Variants in GIGYF2 observed in about 807,000 individuals in gnomAD.
The protein encoded by GIGYF2 is GRB10-interacting GYF protein 2.
Under a neutral mutation model 208.1 loss-of-function variants are expected in GIGYF2, and 25 were observed. The ratio of observed to expected loss-of-function variants is 0.12; its 90% CI spans 0.09 to 0.17. The LOEUF is 0.17. Among genes scored for constraint, GIGYF2 ranks in the 10% least tolerant of loss-of-function variants. The pLI is 1.00. For missense variants in GIGYF2, 1,302 were observed against 1,579.4 expected, an observed-to-expected ratio of 0.82 and a Z score of 2.98; for synonymous variants, 534 against 543.8, an observed-to-expected ratio of 0.98 and a Z score of 0.25.
At chr2:232,855,025 C>T (rs1690497953) in intron 28 of GIGYF2, among the ~76,000 whole-genome samples, 4 of 150,202 alleles carry the variant, frequency 2.7e-5, no homozygotes, top group Admixed American at 1.3e-4. Flanking sequence ...GGAAAAATTA[C>T]ATACATGTGA....
At position 232,857,067 on chromosome 2, in the gene GIGYF2, G is replaced by A. The variant is rs942551197; in HGVS notation, c.*207G>A. The A allele has an allele frequency of 1.6e-6, 1 of 606,628 alleles. No homozygotes were observed. Among genetic ancestry groups the A allele is most frequent in the Non-Finnish European group, 3.0e-6 (1 of 337,050 alleles). 37.6% of individuals were successfully genotyped at this position (606,628 alleles called of 1,614,324 possible). On this transcript the variant is annotated 3_prime_UTR_variant, in exon 29 of 29. Transcript: ENST00000373563. ...GAACATCTCAGACTATAGATAAGTGGACTGGACCCTGTGTCTTGGGGGTGG... is the reference window on the plus strand; with the variant it reads ...GAACATCTCAGACTATAGATAAGTGAACTGGACCCTGTGTCTTGGGGGTGG...
chr2:232,736,710 A>G (rs966020537), intron 3 of GIGYF2: 4 of 152,212 alleles, frequency 2.6e-5, no homozygotes, highest in South Asian at 2.1e-4. Context: ...ATTTAAATTC[A>G]TATAAGTTAC....
intron 23 of GIGYF2, among the ~76,000 whole-genome samples, chr2:232,843,720 A>G (rs1169592262): frequency 1.3e-5 from 2 of 151,894 alleles, no homozygotes; most frequent in Non-Finnish European, 2.9e-5. Flanking sequence ...CTAAAAATAC[A>G]AAAAATTAAC....
At chr2:232,822,921 G>T (rs1267812128) in intron 21 of GIGYF2, among the ~76,000 whole-genome samples, 1 of 151,940 alleles carries the variant, frequency 6.6e-6, no homozygotes, top group African/African-American at 2.4e-5. Flanking sequence ...ATGTATAATA[G>T]CCTTATTTCC....
chr2:232,745,882 A>T (rs1698132190), intron 3 of GIGYF2, among the ~76,000 whole-genome samples: 2 of 152,216 alleles, frequency 1.3e-5, no homozygotes, highest in African/African-American at 4.8e-5. Context: ...CTCTATACTC[A>T]GTCACCAGTT....
intron 14 of GIGYF2, among the ~76,000 whole-genome samples, chr2:232,796,894 A>T (rs1700238035): frequency 6.6e-6 from 1 of 152,202 alleles, no homozygotes; most frequent in Admixed American, 6.5e-5. Context: ...AAATGTGATG[A>T]CAAATATGAC....
intron 5 of GIGYF2, among the ~76,000 whole-genome samples, chr2:232,751,451 A>G (rs936384761): frequency 6.6e-6 from 1 of 152,086 alleles, no homozygotes; most frequent in Non-Finnish European, 1.5e-5. Context: ...CCTGAGCTCA[A>G]GTGAATCCTC....
At chr2:232,808,422 G>C (rs1700625251) in intron 15 of GIGYF2, among the ~76,000 whole-genome samples, 1 of 152,178 alleles carries the variant, frequency 6.6e-6, no homozygotes, top group South Asian at 2.1e-4. Context: ...GAGGGAAACT[G>C]TGCAAAGCCC....
At chr2:232,729,721 C>G (rs1697363686) in intron 2 of GIGYF2, 2 of 760,034 alleles carry the variant, frequency 2.6e-6, no homozygotes, top group Admixed American at 1.7e-5. Context: ...CTCTGATGCA[C>G]TCCTCTAATT....
At chr2:232,812,665 A>G (rs958368466) in intron 18 of GIGYF2, among the ~76,000 whole-genome samples, 174 bp downstream of exon 18, 3 of 152,176 alleles carry the variant, frequency 2.0e-5, no homozygotes, top group African/African-American at 7.2e-5. Flanking sequence ...TACTGAAAAT[A>G]TACTTTTAAG....
chr2:232,742,985 C>T (rs772388401), intron 3 of GIGYF2, among the ~76,000 whole-genome samples: 10 of 152,132 alleles, frequency 6.6e-5, no homozygotes, highest in South Asian at 4.1e-4. Flanking sequence ...ATAGAAGTGC[C>T]TTTTGACTCC....
rs567775043 is a variant in GIGYF2 at position 232,835,230 on chromosome 2, C to G, written c.2766+2137C>G. On this transcript the variant is annotated intron_variant, in intron 22 of 28. Transcript: ENST00000373563. ...TATATAAACACCACATTTTCTTTATCCAATCCTCTGTTGATGGGCAGTTTT... is the reference window on the plus strand; with the variant it reads ...TATATAAACACCACATTTTCTTTATGCAATCCTCTGTTGATGGGCAGTTTT... Among the ~76,000 whole-genome samples the G allele has an allele frequency of 1.1e-4, 16 of 152,262 alleles. No homozygotes were observed. In the South Asian group the frequency reaches 3.1e-3, roughly 30 times the overall value.
At chr2:232,776,582 T>G (rs1435682449) in intron 8 of GIGYF2, 13 of 720,692 alleles carry the variant, frequency 1.8e-5, no homozygotes, top group African/African-American at 3.5e-5. Context: ...ACAGCTTACA[T>G]TCCTCTGTTT....
chr2:232,740,903 G>GT, intron 3 of GIGYF2, among the ~76,000 whole-genome samples: 1 of 152,148 alleles, frequency 6.6e-6, no homozygotes, highest in East Asian at 1.9e-4. Context: ...TTTTTGAGGG[G>GT]TGTATTTTGG....
chr2:232,784,516 A>C (rs1699842567), intron 8 of GIGYF2, among the ~76,000 whole-genome samples: 1 of 42,948 alleles, frequency 2.3e-5, no homozygotes, highest in Admixed American at 2.9e-4. Context: ...CAGCCTCCTG[A>C]GTAGCTTGGG....
At chr2:232,833,889 T>G (rs1414242263) in intron 22 of GIGYF2, among the ~76,000 whole-genome samples, 1 of 152,160 alleles carries the variant, frequency 6.6e-6, no homozygotes, top group African/African-American at 2.4e-5. Context: ...ACTTTTTTTT[T>G]TTTTTTAATA....
Position 232,847,517 on chromosome 2 carries a change from A to AGCAGCAG in GIGYF2, c.3630_3631insGCAGCAG (p.Gln1211AlafsTer48). On this transcript the variant is annotated frameshift_variant, in exon 27 of 29. Transcript: ENST00000373563. LOFTEE classifies it high-confidence loss of function. ...AGCAGCGTCAGCAGCAGCAGCTGCC[A>AGCAGCAG]CAGCAGCAGCAGCAGCAGCCGCCAC... The AGCAGCAG allele has an allele frequency of 4.8e-6, 2 of 415,918 alleles. No homozygotes were observed. The highest frequency in any genetic ancestry group is 1.9e-5 in the South Asian group (1 of 51,648). The allele number at this position is 415,918 out of a possible 1,614,324, so 25.8% of individuals were successfully genotyped here.
intron 2 of GIGYF2, among the ~76,000 whole-genome samples, chr2:232,709,540 G>T (rs1696285288): frequency 6.6e-6 from 1 of 152,136 alleles, no homozygotes; most frequent in South Asian, 2.1e-4. Flanking sequence ...GCCGGGCGCG[G>T]TGGCTCTTGC....
At chr2:232,839,327 C>T (rs961007541) in intron 22 of GIGYF2, among the ~76,000 whole-genome samples, 2 of 152,190 alleles carry the variant, frequency 1.3e-5, no homozygotes, top group African/African-American at 4.8e-5. Flanking sequence ...CTAGAAGCTA[C>T]AGCCTGGTTA....
Sources: gnomAD v4.1 joint callset for allele counts (sites outside exome capture counted in the v4.1 genomes callset) on GRCh38, gnomAD v4.1.1 for gene constraint, MANE v1.5 for transcripts, NCBI Gene and HGNC (gene_info 2026-07-23, HGNC 2026-07-21) for gene names.